The following MYO7A variants were observed in gnomAD, a reference collection of about 807,000 sequenced individuals.
MYO7A encodes the protein myosin VIIA.
In MYO7A, 210 loss-of-function variants were observed where a neutral mutation model predicts 263.8. That is an observed-to-expected ratio of 0.80 (90% confidence interval 0.71 to 0.89). MYO7A has a LOEUF of 0.89. MYO7A is among the 40% of genes least tolerant of loss of function. MYO7A has a pLI of 0.00. For missense variants in MYO7A, 2,820 were observed against 2,968.3 expected (o/e 0.95, Z 1.16); for synonymous variants, 1,239 against 1,197.3 (o/e 1.03, Z -0.72).
chr11:77,162,579 A>G (rs1191167548), intron 13 of MYO7A, among the ~76,000 whole-genome samples: 1 of 152,184 alleles, frequency 6.6e-6, no homozygotes, highest in Non-Finnish European at 1.5e-5. Context: ...CACAGTGTAT[A>G]TCTCAGAGTT....
In MYO7A at chr11:77,198,503, C is replaced by A. The variant is rs200416912; in HGVS notation, c.4450C>A (p.Leu1484Ile). Residue 1484 changes from leucine to isoleucine, a missense_variant, in exon 34 of 49, where the codon CTC (leucine) becomes ATC (isoleucine). Leu to Ile is a conservative substitution (Grantham distance 5). Coordinates refer to ENST00000409709, the MANE Select transcript of MYO7A (RefSeq NM_000260.4). ...YEAYKFSGPS[L>I]PKNDVIVAVN... ...CCTTGGTCTCGTCCCAGGCCCCAGT[C>A]TCCCCAAGAACGACGTCATCGTGGC... 8 of 1,613,754 alleles carry A rather than the reference C, an allele frequency of 5.0e-6. No individual in the cohort carries two copies. The East Asian group carries it at 8.9e-5, about 18-fold the overall frequency.
rs759034081 is a variant in MYO7A, at chr11:77,197,469, C to A, written c.4324-12C>A. 15 of 1,562,800 alleles carry A rather than the reference C, an allele frequency of 9.6e-6. 1 individual carries two copies. The South Asian group carries it at 1.8e-4, about 18-fold the overall frequency. On this transcript the variant is annotated splice_polypyrimidine_tract_variant and intron_variant, in intron 32 of 48. Coordinates refer to ENST00000409709, the MANE Select transcript of MYO7A (RefSeq NM_000260.4). The stretch of plus-strand genomic sequence containing the variant: ...TGTTGTCTTCTGTCCCTCTGTCCCT[C>A]TCTCCTTCCAGGGGATTTATGCCCA...
chr11:77,175,505 G>A (rs1954567532), intron 18 of MYO7A, 41 bp downstream of exon 18: 1 of 1,571,646 alleles, frequency 6.4e-7, no homozygotes, highest in Non-Finnish European at 8.7e-7. Flanking sequence ...TGGGGGGGCT[G>A]TAAATTCCCA....
At chr11:77,155,481 A>T (rs1456935351) in intron 4 of MYO7A, among the ~76,000 whole-genome samples, 1 of 152,174 alleles carries the variant, frequency 6.6e-6, no homozygotes, top group African/African-American at 2.4e-5. Context: ...CTCCCTCTGG[A>T]CATGGTCCCG....
intron 14 of MYO7A, among the ~76,000 whole-genome samples, chr11:77,163,288 T>G (rs1953196326): frequency 6.6e-6 from 1 of 152,092 alleles, no homozygotes; most frequent in Non-Finnish European, 1.5e-5. Flanking sequence ...CTGTAACCTG[T>G]GTTCTACTTT....
intron 12 of MYO7A, among the ~76,000 whole-genome samples, chr11:77,161,651 A>G (rs1047805473): frequency 6.6e-5 from 10 of 152,160 alleles, no homozygotes; most frequent in African/African-American, 1.4e-4. Flanking sequence ...CACTCAACAT[A>G]CTGGGCTGTG....
In MYO7A at chr11:77,142,742, C is replaced by T. The variant is rs1555051455; in HGVS notation, c.52C>T (p.Gln18Ter). The part of the protein sequence containing the change: ...DHVWMDLRLG[Q>*]EFDVPIGAVV... The stretch of plus-strand genomic sequence containing the variant: ...TGTGTGGATGGACCTGAGATTGGGG[C>T]AGGAGTTCGACGTGCCCATCGGGGC... The change falls in exon 3 of 49, where the codon CAG (glutamine) becomes TAG (stop). Residue 18 changes from glutamine to a stop codon, truncating the protein, a stop_gained. Transcript: ENST00000409709. LOFTEE classifies it high-confidence loss of function. 6 of 1,611,764 alleles carry T rather than the reference C, an allele frequency of 3.7e-6. No individual in the cohort carries two copies. The highest frequency in any genetic ancestry group is 5.1e-6 in the Non-Finnish European group (6 of 1,179,144).
Position 77,175,361 on chromosome 11 carries a change from C to T in MYO7A, c.2095-11C>T. ...CTGTCCATTCCCTTGTGTTCCCCATCCTCACTCCAGGGCGACCTCCGCGGG... is the reference window on the plus strand; with the variant it reads ...CTGTCCATTCCCTTGTGTTCCCCATTCTCACTCCAGGGCGACCTCCGCGGG... On this transcript the variant is annotated splice_polypyrimidine_tract_variant and intron_variant, in intron 17 of 48. Transcript: ENST00000409709. The T allele has an allele frequency of 6.2e-7, 1 of 1,612,344 alleles. No individual in the cohort carries two copies.
At chr11:77,213,675 G>C (rs973145771) in intron 47 of MYO7A, among the ~76,000 whole-genome samples, 185 bp from the exon 48 acceptor site, 1 of 152,180 alleles carries the variant, frequency 6.6e-6, no homozygotes, top group Admixed American at 6.5e-5. Flanking sequence ...TAGACTTCCT[G>C]GGTGTCCAAA....
Position 77,172,734 on chromosome 11 carries a change from G to A in MYO7A, c.1798-14G>A, listed in dbSNP as rs369730003. 1.7e-4 allele frequency: 260 copies of A among 1,551,374 alleles called. No individual in the cohort carries two copies. Among genetic ancestry groups the A allele is most frequent in the Middle Eastern group, 4.1e-4 (2 of 4,918 alleles). ...AGGCACAGCCCCTCCCATCGCTGCC[G>A]TCCGTCCCCCCAGGGCGCCGAGACC... On this transcript the variant is annotated splice_polypyrimidine_tract_variant and intron_variant, in intron 15 of 48. Transcript: ENST00000409709.
At chr11:77,164,719 A>G (rs1953372468) in intron 14 of MYO7A, among the ~76,000 whole-genome samples, 2 of 152,230 alleles carry the variant, frequency 1.3e-5, no homozygotes, top group South Asian at 4.1e-4. Flanking sequence ...TCTATTATGT[A>G]CCAGGCTTCA....
At chr11:77,191,651 G>T (rs961392081) in intron 30 of MYO7A, among the ~76,000 whole-genome samples, 2 of 152,334 alleles carry the variant, frequency 1.3e-5, no homozygotes, top group African/African-American at 4.8e-5. Flanking sequence ...CCTGGGGCTT[G>T]GGTGATTTTG....
chr11:77,204,301 G>A, intron 39 of MYO7A, 72 bp downstream of exon 39: 2 of 1,521,968 alleles, frequency 1.3e-6, no homozygotes, highest in Non-Finnish European at 1.8e-6. Flanking sequence ...ACCCTCCTGA[G>A]GCAGCTGCTG....
At chr11:77,165,033 C>A (rs1306244091) in intron 14 of MYO7A, among the ~76,000 whole-genome samples, 3 of 152,230 alleles carry the variant, frequency 2.0e-5, no homozygotes, top group Non-Finnish European at 4.4e-5. Flanking sequence ...AGGCACTATC[C>A]TTCCCATCCA....
At position 77,201,586 on chromosome 11, in the gene MYO7A, C is replaced by G. The variant is rs1311241754; in HGVS notation, c.4991C>G (p.Thr1664Ser). The G allele has an allele frequency of 2.5e-6, 4 of 1,613,782 alleles. No individual in the cohort carries two copies. The African/African-American group carries it at 5.3e-5, about 22-fold the overall frequency. Reference sequence around the variant, plus strand: ...ACCAAGCAGCGTGGGGACTTCCCCACCGACAGTGTGTACGTCATGCCCACT... The same window carrying G: ...ACCAAGCAGCGTGGGGACTTCCCCAGCGACAGTGTGTACGTCATGCCCACT... ...ERTKQRGDFP[T>S]DSVYVMPTVT... is the part of the protein sequence containing the mutation. Residue 1664 changes from threonine to serine, a missense_variant, in exon 36 of 49, where the codon ACC (threonine) becomes AGC (serine). Physicochemically the swap from Thr to Ser is moderately conservative, Grantham distance 58. Coordinates refer to ENST00000409709, the MANE Select transcript of MYO7A (RefSeq NM_000260.4).
intron 18 of MYO7A, among the ~76,000 whole-genome samples, chr11:77,177,294 C>T (rs1187640207): frequency 1.3e-5 from 2 of 152,250 alleles, no homozygotes; most frequent in African/African-American, 2.4e-5. Flanking sequence ...CTGGGCCTTC[C>T]GACCCCATCC....
chr11:77,150,183 G>A (rs1555056429), intron 4 of MYO7A, among the ~76,000 whole-genome samples: 1 of 152,218 alleles, frequency 6.6e-6, no homozygotes, highest in African/African-American at 2.4e-5. Flanking sequence ...CCCGTCTCAG[G>A]GGAGGAGCTG....
intron 44 of MYO7A, 143 bp from the exon 45 acceptor site, chr11:77,211,009 G>T (rs1957824345): frequency 1.4e-6 from 1 of 724,774 alleles, no homozygotes; most frequent in African/African-American, 1.8e-5. Flanking sequence ...TGGGGGAGCA[G>T]TGTCAGCTGA....
At chr11:77,149,940 C>T (rs1555056332) in intron 4 of MYO7A, among the ~76,000 whole-genome samples, 2 of 152,152 alleles carry the variant, frequency 1.3e-5, no homozygotes, top group East Asian at 1.9e-4. Flanking sequence ...CGCTGGTGTC[C>T]ACACCCCAGT....
Sources: allele counts gnomAD v4.1 joint callset (sites outside exome capture counted in the v4.1 genomes callset), GRCh38; gene constraint gnomAD v4.1.1; transcripts MANE v1.5; gene names NCBI Gene and HGNC (gene_info 2026-07-23, HGNC 2026-07-21).